Variants in CPAMD8 observed in about 807,000 individuals in gnomAD.
CPAMD8 encodes C3 and PZP-like alpha-2-macroglobulin domain-containing protein 8.
In CPAMD8, 146 loss-of-function variants were observed where a neutral mutation model predicts 224.7. The observed-to-expected ratio is 0.65, with a 90% CI of 0.57 to 0.75. CPAMD8 has a LOEUF of 0.75. Ranked by LOEUF, CPAMD8 falls within the 30% of genes least tolerant of loss-of-function variation. The pLI is 0.00. For synonymous variants in CPAMD8, 966 were observed against 1,044.6 expected, an observed-to-expected ratio of 0.92 and a Z score of 1.45; for missense variants, 2,301 against 2,537.5, an observed-to-expected ratio of 0.91 and a Z score of 2.00.
intron 27 of CPAMD8, among the ~76,000 whole-genome samples, chr19:16,919,598 C>T (rs753051085): frequency 5.3e-5 from 8 of 152,196 alleles, no homozygotes; most frequent in Admixed American, 1.3e-4. Context: ...AGAGATAATA[C>T]GTTTGTTGTT....
At chr19:16,970,238 CAAAA>C (rs34399675) in intron 18 of CPAMD8, among the ~76,000 whole-genome samples, 4 of 92,668 alleles carry the variant, frequency 4.3e-5, no homozygotes. Flanking sequence ...GACTCTGTCT[CAAAA>C]AAAAAAAAAA....
At chr19:17,026,099 T>C (rs939521840) in intron 1 of CPAMD8, among the ~76,000 whole-genome samples, 8 of 152,172 alleles carry the variant, frequency 5.3e-5, no homozygotes, top group African/African-American at 1.9e-4. Flanking sequence ...TTCTCCCCGC[T>C]GTCAACCCAC....
At chr19:16,917,470 G>A (rs34002820) in intron 27 of CPAMD8, among the ~76,000 whole-genome samples, 75,783 of 151,958 alleles carry the variant, frequency 0.5, 20,426 homozygotes, top group Non-Finnish European at 0.6. Context: ...ATCTATGGCC[G>A]GGCGAGGTGG....
chr19:16,945,132 G>A (rs1320888336), intron 22 of CPAMD8, among the ~76,000 whole-genome samples: 2 of 152,174 alleles, frequency 1.3e-5, no homozygotes, highest in African/African-American at 4.8e-5. Context: ...GGGTCTGCAA[G>A]ATCCTGGCGC....
chr19:16,905,335 T>G lies in CPAMD8; in HGVS notation c.4028-783A>C, dbSNP rs539448368. On this transcript the variant is annotated intron_variant, in intron 30 of 41. Transcript: ENST00000443236. ...TGGCTCATGCCTGTAATCCCAGCAC[T>G]TTGGGAGGCTGAGGCAGGCGGATCA... 3.5e-3 allele frequency among the ~76,000 whole-genome samples: 520 copies of G among 150,654 alleles called. 13 individuals carry two copies. Among genetic ancestry groups the G allele is most frequent in the Non-Finnish European group, 5.3e-4 (36 of 67,678 alleles).
In CPAMD8 at chr19:16,975,273, G is replaced by A. The variant is rs1156865609; in HGVS notation, c.1909-15C>T. ...TCCTGGAAAACCTGCAGGCAAAGGGGGACAGAGACTTGTCAGCTGAAGTTT... is the reference window on the plus strand; with the variant it reads ...TCCTGGAAAACCTGCAGGCAAAGGGAGACAGAGACTTGTCAGCTGAAGTTT... On this transcript the variant is annotated splice_polypyrimidine_tract_variant and intron_variant, in intron 16 of 41. Transcript: ENST00000443236. 2 of 1,591,910 alleles carry A rather than the reference G, an allele frequency of 1.3e-6. No individual in the cohort carries two copies. The highest frequency in any genetic ancestry group is 2.3e-5 in the East Asian group (1 of 44,194).
chr19:16,933,594 G>T (rs2053605801), intron 23 of CPAMD8, among the ~76,000 whole-genome samples: 1 of 152,194 alleles, frequency 6.6e-6, no homozygotes, highest in Non-Finnish European at 1.5e-5. Flanking sequence ...ATATGCTTAA[G>T]ATCATCAGTC....
chr19:16,903,917 G>A, intron 32 of CPAMD8, 60 bp from the exon 33 acceptor site: 1 of 1,538,204 alleles, frequency 6.5e-7, no homozygotes, highest in Non-Finnish European at 8.9e-7. Flanking sequence ...GTGGTCCCCT[G>A]AACCCCGTCT....
chr19:16,928,460 C>A (rs896247284), intron 24 of CPAMD8, among the ~76,000 whole-genome samples: 3 of 152,210 alleles, frequency 2.0e-5, no homozygotes, highest in Admixed American at 2.0e-4. Flanking sequence ...AGTCATTGGG[C>A]TCCTTGGAAC....
chr19:16,917,964 T>C (rs532184616), intron 27 of CPAMD8, among the ~76,000 whole-genome samples: 3 of 152,274 alleles, frequency 2.0e-5, no homozygotes, highest in African/African-American at 7.2e-5. Flanking sequence ...AGTAGTTGCA[T>C]ATAACCGACA....
chr19:17,025,523 C>A (rs2057057504), intron 1 of CPAMD8, among the ~76,000 whole-genome samples: 1 of 152,212 alleles, frequency 6.6e-6, no homozygotes, highest in East Asian at 1.9e-4. Context: ...CCGCGTCATT[C>A]CTTGCAGTGG....
intron 39 of CPAMD8, 126 bp downstream of exon 39, chr19:16,897,565 G>T (rs951769412): frequency 1.7e-6 from 1 of 598,580 alleles, no homozygotes; most frequent in East Asian, 3.1e-5. Context: ...TCTATGCTGC[G>T]TTCTCCTGAC....
At position 16,914,746 on chromosome 19, in the gene CPAMD8, G is replaced by C; in HGVS notation, c.3697C>G (p.Leu1233Val). The C allele has an allele frequency of 5.0e-6, 8 of 1,614,096 alleles. No homozygotes were observed. Among genetic ancestry groups the C allele is most frequent in the Non-Finnish European group, 6.8e-6 (8 of 1,180,006 alleles). Residue 1233 changes from leucine to valine, a missense_variant, in exon 28 of 42, where the codon CTG becomes GTG. This residue lies in a region of CPAMD8 where 1,709 missense variants were observed against 1,753.2 expected (regional missense o/e 0.97). Coordinates refer to ENST00000443236, the MANE Select transcript of CPAMD8 (RefSeq NM_015692.5). ...ATGATCCAGCTCTTGGCGGCAGCCAGCTCCCGGGGGTCCACGAAGATAAAG... is the reference window on the plus strand; with the variant it reads ...ATGATCCAGCTCTTGGCGGCAGCCACCTCCCGGGGGTCCACGAAGATAAAG... The part of the protein sequence containing the change: ...RSFIFVDPRE[L>V]AAAKSWIIQQ...
At chr19:17,014,003 C>T (rs2056740512) in intron 3 of CPAMD8, among the ~76,000 whole-genome samples, 1 of 81,256 alleles carries the variant, frequency 1.2e-5, no homozygotes, top group Non-Finnish European at 2.4e-5. Context: ...ACATTCCTTC[C>T]CTCCCTCCCT....
At chr19:16,926,665 G>T (rs1161403886) in intron 25 of CPAMD8, among the ~76,000 whole-genome samples, 2 of 152,078 alleles carry the variant, frequency 1.3e-5, no homozygotes, top group African/African-American at 4.8e-5. Context: ...GGCTGCCATT[G>T]CCCCTACAGC....
intron 19 of CPAMD8, among the ~76,000 whole-genome samples, chr19:16,955,045 G>T (rs952703337): frequency 6.6e-6 from 1 of 152,140 alleles, no homozygotes; most frequent in African/African-American, 2.4e-5. Context: ...GGAGAATGGC[G>T]TGAACCCAGG....
intron 13 of CPAMD8, among the ~76,000 whole-genome samples, chr19:16,982,726 T>C (rs995061671): frequency 6.6e-6 from 1 of 151,900 alleles, no homozygotes; most frequent in Non-Finnish European, 1.5e-5. Flanking sequence ...TAGTCCCAGC[T>C]ATCTAGGGGG....
Position 16,896,655 on chromosome 19 carries a change from G to C in CPAMD8, c.5076C>G (p.Pro1692=), listed in dbSNP as rs897332106. The C allele has an allele frequency of 2.7e-6, 4 of 1,460,464 alleles. No individual in the cohort carries two copies. The highest frequency in any genetic ancestry group is 1.3e-5 in the South Asian group (1 of 74,696). The allele number at this position is 1,460,464 out of a possible 1,614,324, so 90.5% of individuals were successfully genotyped here. Residue 1692 remains proline (P), a synonymous_variant, in exon 40 of 42, where the codon CCC becomes CCG. Coordinates refer to ENST00000443236, the MANE Select transcript of CPAMD8 (RefSeq NM_015692.5). ...GGGCCACGGCAGGGCCCGACTCGCC[G>C]GGGAACCAGCCTGGGGGACGAGGCA... ...RAPARGPGWF[P]GESGPAVAPE...
intron 19 of CPAMD8, among the ~76,000 whole-genome samples, chr19:16,952,529 T>C (rs1284271937): frequency 6.6e-6 from 1 of 152,012 alleles, no homozygotes; most frequent in African/African-American, 2.4e-5. Context: ...ATTTAAAAAT[T>C]AGGTGGGTAT....
Sources: allele counts gnomAD v4.1 joint callset (sites outside exome capture counted in the v4.1 genomes callset), GRCh38; gene constraint gnomAD v4.1.1; regional missense constraint gnomAD v4.1.1; transcripts MANE v1.5; gene names NCBI Gene and HGNC (gene_info 2026-07-23, HGNC 2026-07-21).